SLC24A2: variants seen among roughly 807,000 people sequenced by gnomAD.
SLC24A2 encodes the protein solute carrier family 24 member 2.
In SLC24A2, 36 loss-of-function variants were observed where a neutral mutation model predicts 62.0. That is an observed-to-expected ratio of 0.58 (90% CI 0.44 to 0.77). SLC24A2 has a LOEUF of 0.77. SLC24A2 is among the 30% of genes least tolerant of loss of function. SLC24A2 has a pLI of 0.00. For missense variants in SLC24A2, 846 were observed against 817.9 expected (o/e 1.03, Z -0.42); for synonymous variants, 358 against 294.0 (o/e 1.22, Z -2.23).
the SLC24A2 span, among the ~76,000 whole-genome samples, chr9:19,989,896 G>A: frequency 6.6e-6 from 1 of 152,148 alleles, no homozygotes; most frequent in Admixed American, 6.5e-5. Flanking sequence ...GCACTATGCA[G>A]AGAGGGAATG....
chr9:20,109,139 T>C, the SLC24A2 span, among the ~76,000 whole-genome samples: 4 of 152,300 alleles, frequency 2.6e-5, no homozygotes, highest in African/African-American at 7.2e-5. Flanking sequence ...TAATAGGCTA[T>C]ACTGTCATCT....
intron 2 of SLC24A2, among the ~76,000 whole-genome samples, chr9:19,780,769 A>G (rs1822992133): frequency 6.7e-6 from 1 of 149,674 alleles, no homozygotes; most frequent in Non-Finnish European, 1.5e-5. Flanking sequence ...GCTACTCAGG[A>G]GGCTGAGGCA....
At chr9:20,179,973 C>A in the SLC24A2 span, among the ~76,000 whole-genome samples, 14,196 of 152,182 alleles carry the variant, frequency 0.093, 1,424 homozygotes, top group East Asian at 0.46. Flanking sequence ...TTGGTTCAAC[C>A]AGTAACCAAC....
chr9:20,190,564 G>A, the SLC24A2 span, among the ~76,000 whole-genome samples: 1 of 151,952 alleles, frequency 6.6e-6, no homozygotes, highest in Admixed American at 6.6e-5. Flanking sequence ...ACTCCTACTA[G>A]TCCCATTGTT....
intron 4 of SLC24A2, among the ~76,000 whole-genome samples, chr9:19,598,060 T>A (rs1431422938): frequency 2.6e-5 from 4 of 152,160 alleles, no homozygotes; most frequent in Non-Finnish European, 5.9e-5. Context: ...AGTGAGCTGG[T>A]GGGAGTGGCA....
the SLC24A2 span, among the ~76,000 whole-genome samples, chr9:20,210,029 G>A: frequency 1.3e-5 from 2 of 152,082 alleles, no homozygotes; most frequent in Non-Finnish European, 1.5e-5. Flanking sequence ...TTAATTGAAG[G>A]GGTCTTGTGA....
the SLC24A2 span, among the ~76,000 whole-genome samples, chr9:19,827,262 G>A: frequency 4.6e-5 from 7 of 152,058 alleles, no homozygotes; most frequent in African/African-American, 7.2e-5. Context: ...ATGAAGCTCT[G>A]ATTAGGTTCA....
chr9:19,769,003 T>A (rs1439342553), intron 2 of SLC24A2, among the ~76,000 whole-genome samples: 1 of 152,224 alleles, frequency 6.6e-6, no homozygotes, highest in African/African-American at 2.4e-5. Flanking sequence ...TACACTCTCG[T>A]GTCTGAACTT....
chr9:20,100,302 A>T, the SLC24A2 span, among the ~76,000 whole-genome samples: 18 of 152,110 alleles, frequency 1.2e-4, no homozygotes, highest in Non-Finnish European at 2.2e-4. Flanking sequence ...CTCAAGCCAT[A>T]CACCCACCTT....
chr9:19,792,909 T>C (rs117511340), upstream of SLC24A2, among the ~76,000 whole-genome samples: 4,645 of 152,308 alleles, frequency 0.03, 66 homozygotes, highest in Admixed American at 0.039. Context: ...AAGTATTCAA[T>C]GTGCACAAAA....
chr9:20,267,154 T>C, the SLC24A2 span, among the ~76,000 whole-genome samples: 1 of 152,150 alleles, frequency 6.6e-6, no homozygotes, highest in Non-Finnish European at 1.5e-5. Flanking sequence ...GATACAAGTG[T>C]TCTTCAGACC....
At chr9:19,554,159 G>T (rs890683628) in intron 7 of SLC24A2, among the ~76,000 whole-genome samples, 1 of 152,164 alleles carries the variant, frequency 6.6e-6, no homozygotes, top group Non-Finnish European at 1.5e-5. Context: ...ACAGAAGAAA[G>T]GCCACATGAA....
At chr9:19,745,178 C>T (rs938143900) in intron 2 of SLC24A2, among the ~76,000 whole-genome samples, 6 of 152,128 alleles carry the variant, frequency 3.9e-5, no homozygotes, top group African/African-American at 9.7e-5. Context: ...CTCTGATGCA[C>T]CTGCTCCCTT....
intron 2 of SLC24A2, among the ~76,000 whole-genome samples, chr9:19,625,021 G>A (rs1817999253): frequency 1.3e-5 from 2 of 152,226 alleles, no homozygotes; most frequent in East Asian, 3.8e-4. Context: ...TGTATAGCCA[G>A]TGGGTTTTGG....
chr9:19,731,322 G>C (rs1212107639), intron 2 of SLC24A2, among the ~76,000 whole-genome samples: 1 of 152,116 alleles, frequency 6.6e-6, no homozygotes, highest in East Asian at 1.9e-4. Flanking sequence ...TAATGCTATG[G>C]ACTGAATGTT....
At chr9:20,075,719 A>G in the SLC24A2 span, among the ~76,000 whole-genome samples, 82 of 152,210 alleles carry the variant, frequency 5.4e-4, no homozygotes, top group Middle Eastern at 0.01. Context: ...CACTTGCACT[A>G]CTGCATCCCC....
chr9:19,931,523 C>T, the SLC24A2 span, among the ~76,000 whole-genome samples: 3 of 152,190 alleles, frequency 2.0e-5, no homozygotes, highest in South Asian at 6.2e-4. Flanking sequence ...ATCATACTGA[C>T]ATAGATTACT....
chr9:20,057,353 G>A, the SLC24A2 span, among the ~76,000 whole-genome samples: 6 of 152,054 alleles, frequency 3.9e-5, no homozygotes, highest in East Asian at 9.6e-4. Flanking sequence ...TGTAAACTAC[G>A]CACTTCTGAC....
At chr9:20,295,922 CT>C in the SLC24A2 span, among the ~76,000 whole-genome samples, 1 of 152,090 alleles carries the variant, frequency 6.6e-6, no homozygotes, top group African/African-American at 2.4e-5. Context: ...AATCTATATC[CT>C]TTTGGTTCTA....
Sources: gnomAD v4.1 joint callset for allele counts (sites outside exome capture counted in the v4.1 genomes callset) on GRCh38, gnomAD v4.1.1 for gene constraint, MANE v1.5 for transcripts, NCBI Gene and HGNC (gene_info 2026-07-23, HGNC 2026-07-21) for gene names.